HHLA2: variants seen among roughly 807,000 people sequenced by gnomAD.
HHLA2 encodes HHLA2 member of B7 family.
Under a neutral mutation model 45.9 loss-of-function variants are expected in HHLA2, and 48 were observed. That is an observed-to-expected ratio of 1.05 (90% confidence interval 0.83 to 1.33). The LOEUF (loss-of-function observed/expected upper bound fraction) is 1.33, where lower values mean the gene tolerates loss of function less well. Among genes scored for constraint, HHLA2 ranks in the 40% most tolerant of loss-of-function variants. The pLI, the probability that HHLA2 is intolerant of heterozygous loss-of-function variation, is 0.00. For synonymous variants in HHLA2, 161 were observed against 173.9 expected (o/e 0.93, Z 0.59); for missense variants, 462 against 494.3 (o/e 0.93, Z 0.62).
chr3:108,302,187 A>T (rs182446956), intron 1 of HHLA2, among the ~76,000 whole-genome samples: 4 of 152,264 alleles, frequency 2.6e-5, no homozygotes, highest in African/African-American at 7.2e-5. Context: ...TTAAAATGGT[A>T]TATAAATGAG....
chr3:108,367,036 G>A (rs371672634), intron 8 of HHLA2, among the ~76,000 whole-genome samples: 1 of 152,200 alleles, frequency 6.6e-6, no homozygotes, highest in African/African-American at 2.4e-5. Flanking sequence ...CTGTTCCGCA[G>A]CATCCACTGG....
intron 6 of HHLA2, among the ~76,000 whole-genome samples, chr3:108,356,951 A>G (rs1266545852): frequency 6.6e-6 from 1 of 152,220 alleles, no homozygotes; most frequent in African/African-American, 2.4e-5. Flanking sequence ...AGAATATTCC[A>G]GGTAAAAAGC....
intron 3 of HHLA2, among the ~76,000 whole-genome samples, chr3:108,339,633 A>G (rs2081531895): frequency 6.6e-6 from 1 of 152,166 alleles, no homozygotes; most frequent in South Asian, 2.1e-4. Context: ...AATACTACCA[A>G]AAGGGTTAAT....
At chr3:108,366,884 G>C (rs1188337740) in intron 8 of HHLA2, among the ~76,000 whole-genome samples, 1 of 152,066 alleles carries the variant, frequency 6.6e-6, no homozygotes, top group Non-Finnish European at 1.5e-5. Context: ...AGTCTGGCTA[G>C]CAGTCTATCT....
intron 2 of HHLA2, among the ~76,000 whole-genome samples, chr3:108,327,972 A>G (rs2081316197): frequency 1.3e-5 from 2 of 152,080 alleles, no homozygotes; most frequent in Non-Finnish European, 2.9e-5. Flanking sequence ...GTCCCTACTA[A>G]AAATACAAAA....
chr3:108,318,619 A>G (rs16854442), intron 2 of HHLA2, among the ~76,000 whole-genome samples: 16,059 of 152,178 alleles, frequency 0.11, 1,611 homozygotes, highest in East Asian at 0.53. Context: ...ATACTAATTC[A>G]TGTTCATTGA....
intron 1 of HHLA2, among the ~76,000 whole-genome samples, chr3:108,307,963 T>C (rs2080957860): frequency 6.6e-6 from 1 of 152,196 alleles, no homozygotes; most frequent in South Asian, 2.1e-4. Flanking sequence ...AAGGACATCA[T>C]GGAGAATGGG....
At chr3:108,363,404 T>C (rs1405595161) in intron 8 of HHLA2, among the ~76,000 whole-genome samples, 1 of 152,154 alleles carries the variant, frequency 6.6e-6, no homozygotes, top group African/African-American at 2.4e-5. Context: ...AGGCTCTGGG[T>C]GTCCTGGGAA....
At position 108,306,012 on chromosome 3, in the gene HHLA2, A is replaced by G. The variant is rs185286950; in HGVS notation, c.-191-4643A>G. ...TCAGCTGATGCTCCACTGATTATTC[A>G]TTCCCTCAGTGATTGAGCACAGTGG... On this transcript the variant is annotated intron_variant, in intron 1 of 10. Transcript: ENST00000619531. Among the ~76,000 whole-genome samples, 766 of 152,232 alleles carry G rather than the reference A, an allele frequency of 5.0e-3. 5 individuals carry two copies. Among genetic ancestry groups the G allele is most frequent in the African/African-American group, 0.018 (748 of 41,562 alleles).
chr3:108,354,548 A>G (rs1359190897), intron 5 of HHLA2, among the ~76,000 whole-genome samples: 1 of 152,020 alleles, frequency 6.6e-6, no homozygotes, highest in South Asian at 2.1e-4. Context: ...CTGATCATTT[A>G]TATGCAATAT....
intron 3 of HHLA2, among the ~76,000 whole-genome samples, chr3:108,339,880 G>A (rs75301355): frequency 0.041 from 6,224 of 152,232 alleles, 184 homozygotes; most frequent in Non-Finnish European, 0.054. Context: ...GGTTTGTCAG[G>A]TGTGTCACTT....
intron 3 of HHLA2, among the ~76,000 whole-genome samples, chr3:108,345,966 C>G (rs765490889): frequency 9.9e-5 from 15 of 152,098 alleles, no homozygotes; most frequent in Non-Finnish European, 1.5e-4. Flanking sequence ...GAGATTGTCC[C>G]TTGTGACTGA....
intron 2 of HHLA2, among the ~76,000 whole-genome samples, chr3:108,316,144 A>G (rs1226909194): frequency 6.6e-6 from 1 of 152,184 alleles, no homozygotes; most frequent in Non-Finnish European, 1.5e-5. Flanking sequence ...TCCAGCCGGA[A>G]AAGTCAACAC....
intron 2 of HHLA2, among the ~76,000 whole-genome samples, chr3:108,313,477 C>A (rs544563801): frequency 6.6e-6 from 1 of 152,294 alleles, no homozygotes; most frequent in East Asian, 1.9e-4. Context: ...AGGGCCCCCA[C>A]GGATATTACC....
intron 8 of HHLA2, among the ~76,000 whole-genome samples, chr3:108,368,173 C>G (rs1260447059): frequency 6.6e-6 from 1 of 151,996 alleles, no homozygotes; most frequent in Non-Finnish European, 1.5e-5. Context: ...GATTCTGTCA[C>G]CACTAGGCCT....
At chr3:108,318,300 A>G (rs1032466452) in intron 2 of HHLA2, among the ~76,000 whole-genome samples, 1 of 152,214 alleles carries the variant, frequency 6.6e-6, no homozygotes, top group African/African-American at 2.4e-5. Context: ...GTTCTAGACA[A>G]TAACTTTTCA....
chr3:108,332,246 G>A (rs1225528545), intron 3 of HHLA2, among the ~76,000 whole-genome samples: 1 of 152,156 alleles, frequency 6.6e-6, no homozygotes, highest in Non-Finnish European at 1.5e-5. Flanking sequence ...ACTGGGCACA[G>A]TTACCTCCAG....
intron 3 of HHLA2, among the ~76,000 whole-genome samples, chr3:108,351,429 T>C (rs2081776092): frequency 6.6e-6 from 1 of 152,224 alleles, no homozygotes; most frequent in Admixed American, 6.5e-5. Flanking sequence ...GCAGATATAC[T>C]AAATCTTTAT....
intron 3 of HHLA2, among the ~76,000 whole-genome samples, chr3:108,346,440 G>A (rs2081662029): frequency 6.6e-6 from 1 of 152,196 alleles, no homozygotes. Flanking sequence ...TCGGTGTCAT[G>A]AGCACTGTGG....
Sources: allele counts gnomAD v4.1 joint callset (sites outside exome capture counted in the v4.1 genomes callset), GRCh38; gene constraint gnomAD v4.1.1; transcripts MANE v1.5; gene names NCBI Gene and HGNC (gene_info 2026-07-23, HGNC 2026-07-21).